ZFAND3: variants seen among roughly 807,000 people sequenced by gnomAD.
ZFAND3 encodes the protein AN1-type zinc finger protein 3.
In ZFAND3, 10 loss-of-function variants were observed where a neutral mutation model predicts 29.6. The ratio of observed to expected loss-of-function variants is 0.34; its 90% CI spans 0.21 to 0.57. ZFAND3 has a LOEUF of 0.57. Ranked by LOEUF, ZFAND3 falls within the 20% of genes least tolerant of loss-of-function variation. The pLI, the probability that ZFAND3 is intolerant of heterozygous loss-of-function variation, is 0.86. For synonymous variants in ZFAND3, 128 were observed against 112.6 expected, an observed-to-expected ratio of 1.14 and a Z score of -0.87; for missense variants, 230 against 304.5, an observed-to-expected ratio of 0.76 and a Z score of 1.82.
chr6:38,111,003 A>G (rs1765304939), intron 4 of ZFAND3, among the ~76,000 whole-genome samples: 1 of 152,364 alleles, frequency 6.6e-6, no homozygotes, highest in South Asian at 2.1e-4. Context: ...AACATGAGTA[A>G]TAAAGACAAG....
Position 38,152,982 on chromosome 6 carries a change from A to AT in ZFAND3, c.*600dup. On this transcript the variant is annotated 3_prime_UTR_variant, in exon 6 of 6. Transcript: ENST00000287218. ...GGGTGGGGGACAGATTCTTACGGAAATTTTTTTACCTGACTTGCTATGAAA... is the reference window on the plus strand; with the variant it reads ...GGGTGGGGGACAGATTCTTACGGAAATTTTTTTTACCTGACTTGCTATGAAA... The AT allele has an allele frequency of 1.3e-5, 13 of 985,798 alleles. No individual in the cohort carries two copies. The highest frequency in any genetic ancestry group is 1.6e-5 in the Non-Finnish European group (13 of 829,932). 61.1% of individuals were successfully genotyped at this position (985,798 alleles called of 1,614,324 possible). A position where few individuals can be genotyped will look rare whatever the true frequency, so the allele number is the denominator to read the frequency against.
chr6:37,948,283 G>T (rs772020909), intron 2 of ZFAND3, among the ~76,000 whole-genome samples: 2 of 152,042 alleles, frequency 1.3e-5, no homozygotes, highest in African/African-American at 2.4e-5. Context: ...TGTCTTACTA[G>T]GTACATAAAT....
chr6:38,133,987 C>T (rs978852055), intron 5 of ZFAND3, among the ~76,000 whole-genome samples: 16 of 152,144 alleles, frequency 1.1e-4, no homozygotes, highest in African/African-American at 3.6e-4. Flanking sequence ...GAATTTAGTC[C>T]ATTCCTTAAC....
At chr6:38,033,860 G>A (rs1763609599) in intron 2 of ZFAND3, among the ~76,000 whole-genome samples, 3 of 152,062 alleles carry the variant, frequency 2.0e-5, no homozygotes, top group African/African-American at 7.2e-5. Flanking sequence ...TTATTTAATG[G>A]CACTTGGCAA....
intron 2 of ZFAND3, among the ~76,000 whole-genome samples, chr6:37,961,703 A>C (rs1439198344): frequency 6.6e-6 from 1 of 152,240 alleles, no homozygotes; most frequent in Non-Finnish European, 1.5e-5. Flanking sequence ...CAGGAAGAAA[A>C]CAAGAGTCTT....
intron 2 of ZFAND3, among the ~76,000 whole-genome samples, chr6:38,059,216 A>G (rs1764189612): frequency 6.6e-6 from 1 of 152,210 alleles, no homozygotes; most frequent in Non-Finnish European, 1.5e-5. Flanking sequence ...TCAAAGAGAT[A>G]ATCACTGTCC....
chr6:38,005,882 T>C (rs920239883), intron 2 of ZFAND3, among the ~76,000 whole-genome samples: 1 of 152,232 alleles, frequency 6.6e-6, no homozygotes, highest in African/African-American at 2.4e-5. Flanking sequence ...TCAGCACATA[T>C]ATGGACATTT....
chr6:38,035,727 C>T (rs1763644684), intron 2 of ZFAND3, among the ~76,000 whole-genome samples: 1 of 152,156 alleles, frequency 6.6e-6, no homozygotes, highest in Non-Finnish European at 1.5e-5. Flanking sequence ...AGGAAAGGTG[C>T]AGATTCTATC....
intron 3 of ZFAND3, among the ~76,000 whole-genome samples, chr6:38,072,942 A>G (rs987510719): frequency 4.6e-5 from 7 of 152,230 alleles, no homozygotes; most frequent in East Asian, 1.9e-4. Context: ...TCACTACACA[A>G]TTAAAATTGT....
chr6:38,139,257 C>T (rs1301074458), intron 5 of ZFAND3, among the ~76,000 whole-genome samples: 4 of 152,130 alleles, frequency 2.6e-5, no homozygotes, highest in Non-Finnish European at 5.9e-5. Flanking sequence ...CCTAACCTAT[C>T]ATTCATTTAC....
At chr6:37,997,108 G>A (rs1272753600) in intron 2 of ZFAND3, among the ~76,000 whole-genome samples, 1 of 152,162 alleles carries the variant, frequency 6.6e-6, no homozygotes, top group Non-Finnish European at 1.5e-5. Context: ...AGAATAAAAT[G>A]TGTTATATTC....
chr6:38,050,770 C>G (rs1283393291), intron 2 of ZFAND3, among the ~76,000 whole-genome samples: 1 of 152,152 alleles, frequency 6.6e-6, no homozygotes, highest in East Asian at 1.9e-4. Flanking sequence ...CACCACTGTG[C>G]CCAGCTGACA....
chr6:37,839,816 A>C (rs1423773198), intron 1 of ZFAND3, among the ~76,000 whole-genome samples: 1 of 151,932 alleles, frequency 6.6e-6, no homozygotes, highest in African/African-American at 2.4e-5. Flanking sequence ...CCCGGCCATA[A>C]GTTGTAAAAT....
In ZFAND3 at chr6:38,042,768, G is replaced by T. The variant is rs564866374; in HGVS notation, c.113-18825G>T. On this transcript the variant is annotated intron_variant, in intron 2 of 5. Transcript: ENST00000287218. ...ACAACTATCTGAATGGTTGAACTAG[G>T]TTTATAGGGTGTATTTTCAAGAATA... Among the ~76,000 whole-genome samples the T allele has an allele frequency of 1.2e-4, 19 of 152,232 alleles. 1 individual carries two copies. In the South Asian group the frequency reaches 3.9e-3, roughly 32 times the overall value.
chr6:37,873,196 G>A (rs960965757), intron 1 of ZFAND3, among the ~76,000 whole-genome samples: 2 of 152,206 alleles, frequency 1.3e-5, no homozygotes, highest in Non-Finnish European at 1.5e-5. Context: ...GTGTGAACCC[G>A]GGAGGCGAAG....
chr6:37,993,362 T>TGTC (rs1463848725), intron 2 of ZFAND3, among the ~76,000 whole-genome samples: 2 of 152,210 alleles, frequency 1.3e-5, no homozygotes, highest in Non-Finnish European at 2.9e-5. Context: ...AGTCTTGCTC[T>TGTC]GTCACCCAGG....
At chr6:37,977,833 TTCCTTC>T (rs1279292021) in intron 2 of ZFAND3, among the ~76,000 whole-genome samples, 25 of 135,576 alleles carry the variant, frequency 1.8e-4, no homozygotes, top group African/African-American at 3.1e-4. Flanking sequence ...ATGCTTTTCC[TTCCTTC>T]CTTCCTTCCT....
chr6:38,127,012 G>A (rs183283014), intron 5 of ZFAND3, among the ~76,000 whole-genome samples: 8 of 151,516 alleles, frequency 5.3e-5, no homozygotes, highest in African/African-American at 1.9e-4. Context: ...GTTAGCTCTC[G>A]ATTCCTTAGG....
At chr6:38,136,816 G>T (rs1313787190) in intron 5 of ZFAND3, among the ~76,000 whole-genome samples, 1 of 152,214 alleles carries the variant, frequency 6.6e-6, no homozygotes, top group Non-Finnish European at 1.5e-5. Flanking sequence ...TGTAGTTTGT[G>T]CATCCTTGTG....
Sources: gnomAD v4.1 joint callset for allele counts (sites outside exome capture counted in the v4.1 genomes callset) on GRCh38, gnomAD v4.1.1 for gene constraint, MANE v1.5 for transcripts, NCBI Gene and HGNC (gene_info 2026-07-23, HGNC 2026-07-21) for gene names.